The following NIM1K variants were observed in gnomAD, a reference collection of about 807,000 sequenced individuals.
NIM1K encodes NIM1 serine/threonine protein kinase, also known as serine/threonine-protein kinase NIM1.
Under a neutral mutation model 37.1 loss-of-function variants are expected in NIM1K, and 35 were observed. The observed-to-expected ratio is 0.94, with a 90% CI of 0.72 to 1.25. The LOEUF is 1.25. Among genes scored for constraint, NIM1K ranks in the 50% most tolerant of loss-of-function variants. NIM1K has a pLI of 0.00. For missense variants in NIM1K, 564 were observed against 548.0 expected, an observed-to-expected ratio of 1.03 and a Z score of -0.29; for synonymous variants, 234 against 206.6, an observed-to-expected ratio of 1.13 and a Z score of -1.14.
At chr5:43,214,764 C>T (rs1160078752) in intron 1 of NIM1K, among the ~76,000 whole-genome samples, 2 of 136,496 alleles carry the variant, frequency 1.5e-5, no homozygotes, top group Non-Finnish European at 3.0e-5. Flanking sequence ...TGCAGTGAGC[C>T]GAGATCGCGC....
intron 1 of NIM1K, chr5:43,232,985 T>C: frequency 8.7e-7 from 1 of 1,152,970 alleles, no homozygotes; most frequent in Non-Finnish European, 1.3e-6. Flanking sequence ...AACACTGCCC[T>C]GGGCACATGC....
chr5:43,247,539 G>A (rs1048535635), intron 2 of NIM1K, among the ~76,000 whole-genome samples: 1 of 152,142 alleles, frequency 6.6e-6, no homozygotes, highest in Non-Finnish European at 1.5e-5. Flanking sequence ...TCAACTGACT[G>A]CACATTAGAA....
chr5:43,233,156 G>T, intron 1 of NIM1K: 1 of 1,302,124 alleles, frequency 7.7e-7, no homozygotes, highest in Non-Finnish European at 1.1e-6. Flanking sequence ...CCAATGAGAT[G>T]GAGATGCGGT....
At chr5:43,203,831 G>GC (rs1236501021) in intron 1 of NIM1K, among the ~76,000 whole-genome samples, 2 of 151,888 alleles carry the variant, frequency 1.3e-5, no homozygotes, top group Non-Finnish European at 1.5e-5. Flanking sequence ...TTCAAGACCA[G>GC]CCTGGCCAAC....
At chr5:43,243,050 C>A (rs1752727928) in intron 1 of NIM1K, 1 of 152,382 alleles carries the variant, frequency 6.6e-6, no homozygotes, top group East Asian at 1.9e-4. Flanking sequence ...GATCCACCCA[C>A]CTCAGCCTCC....
At chr5:43,230,709 G>A (rs1054216336) in intron 1 of NIM1K, among the ~76,000 whole-genome samples, 8 of 152,170 alleles carry the variant, frequency 5.3e-5, no homozygotes, top group Non-Finnish European at 1.2e-4. Context: ...TGCAGGTTAA[G>A]GTTGAGAACC....
At chr5:43,229,647 T>G (rs1359744469) in intron 1 of NIM1K, among the ~76,000 whole-genome samples, 1 of 150,780 alleles carries the variant, frequency 6.6e-6, no homozygotes, top group Non-Finnish European at 1.5e-5. Flanking sequence ...AGCCTTTTTT[T>G]TTTTTTTGAG....
At chr5:43,266,396 C>T (rs1311632119) in intron 2 of NIM1K, among the ~76,000 whole-genome samples, 1 of 152,234 alleles carries the variant, frequency 6.6e-6, no homozygotes, top group East Asian at 1.9e-4. Context: ...GAGTGAGGCT[C>T]CATGGGCGTG....
intron 1 of NIM1K, among the ~76,000 whole-genome samples, chr5:43,198,213 CTTTCTTTCTTTCTTT>C (rs1561070036): frequency 1.7e-4 from 14 of 83,468 alleles, no homozygotes; most frequent in African/African-American, 6.6e-4. Flanking sequence ...CTTTCTCTTT[CTTTCTTTCTTTCTTT>C]CTTTCTTTCT....
chr5:43,259,587 G>T (rs563354966), intron 2 of NIM1K, among the ~76,000 whole-genome samples: 13 of 152,196 alleles, frequency 8.5e-5, no homozygotes, highest in African/African-American at 3.1e-4. Context: ...CTTCTTTTGA[G>T]AAATATTTAT....
intron 1 of NIM1K, chr5:43,206,676 A>G (rs1752117548): frequency 2.9e-6 from 2 of 690,500 alleles, no homozygotes. Context: ...TCCCAAGGCC[A>G]CTCCCCCAGG....
rs569152702 is a variant in NIM1K, at chr5:43,201,814, C to G, written c.-695+9403C>G. 2.0e-4 allele frequency among the ~76,000 whole-genome samples: 30 copies of G among 152,066 alleles called. 1 individual carries two copies. The highest frequency in any genetic ancestry group is 7.2e-4 in the African/African-American group (30 of 41,474). On this transcript the variant is annotated intron_variant, in intron 1 of 3. Coordinates refer to ENST00000326035, the MANE Select transcript of NIM1K (RefSeq NM_153361.4). Reference sequence around the variant, plus strand: ...TCTGTACTAAAAATACAAAAATTAGCTGGGCGTGGTGGCACGCACCTGTAG... The same window carrying G: ...TCTGTACTAAAAATACAAAAATTAGGTGGGCGTGGTGGCACGCACCTGTAG...
Position 43,280,082 on chromosome 5 carries a change from A to G in NIM1K, c.664A>G (p.Lys222Glu), listed in dbSNP as rs199632931. 1 of 1,614,168 alleles carries G rather than the reference A, an allele frequency of 6.2e-7. No homozygotes were observed. The highest frequency in any genetic ancestry group is 1.3e-5 in the African/African-American group (1 of 75,052). Residue 222 changes from lysine to glutamate, a missense_variant, in exon 4 of 4, where the codon AAA becomes GAA. Lys to Glu is a moderately conservative substitution (Grantham distance 56). Coordinates refer to ENST00000326035, the MANE Select transcript of NIM1K (RefSeq NM_153361.4). ...CGATTTTGGATTCAGCACAGTAAGC[A>G]AAAAAGGTGAAATGCTGAACACTTT... is the stretch of plus-strand genomic sequence containing the variant. ...VGDFGFSTVS[K>E]KGEMLNTFCG...
rs769979471 is a variant in NIM1K at position 43,280,188 on chromosome 5, TG to T, written c.775del (p.Val259CysfsTer7). On this transcript the variant is annotated frameshift_variant, in exon 4 of 4. Transcript: ENST00000326035. LOFTEE classifies it high-confidence loss of function. Reference protein sequence around the residue: ...YIGIYVDIWALGVLLYFMVTG... With the variant: ...YIGIYVDIWAXGVLLYFMVTG... ...GGCATTTACGTGGATATCTGGGCCT[TG>T]GGGGTGCTTTTGTACTTCATGGTGA... 2 of 1,614,080 alleles carry T rather than the reference TG, an allele frequency of 1.2e-6. No homozygotes were observed.
intron 1 of NIM1K, among the ~76,000 whole-genome samples, chr5:43,226,691 T>A (rs1670796): frequency 0.29 from 44,635 of 152,152 alleles, 7,179 homozygotes; most frequent in East Asian, 0.66. Context: ...TATAATGCAC[T>A]CAGCATGATG....
chr5:43,212,743 A>G (rs1212664842), intron 1 of NIM1K, among the ~76,000 whole-genome samples: 1 of 152,198 alleles, frequency 6.6e-6, no homozygotes, highest in Non-Finnish European at 1.5e-5. Context: ...CAGCAGCTAA[A>G]TATATCACTG....
intron 2 of NIM1K, among the ~76,000 whole-genome samples, chr5:43,265,363 C>T (rs1326035679): frequency 2.0e-5 from 3 of 152,104 alleles, no homozygotes; most frequent in Non-Finnish European, 4.4e-5. Context: ...TCATTTCATT[C>T]ATTTGATCTT....
intron 1 of NIM1K, chr5:43,233,071 T>A (rs1210408823): frequency 4.5e-6 from 6 of 1,331,876 alleles, no homozygotes; most frequent in Non-Finnish European, 6.5e-6. Flanking sequence ...ACTTGGCATC[T>A]GGCCATTGGG....
chr5:43,206,924 C>T, intron 1 of NIM1K: 1 of 769,568 alleles, frequency 1.3e-6, no homozygotes, highest in South Asian at 1.3e-5. Flanking sequence ...GCTGGATCTT[C>T]AGAGTTACAA....
Sources: allele counts gnomAD v4.1 joint callset (sites outside exome capture counted in the v4.1 genomes callset), GRCh38; gene constraint gnomAD v4.1.1; transcripts MANE v1.5; gene names NCBI Gene and HGNC (gene_info 2026-07-23, HGNC 2026-07-21).